The following DMD variants were observed in gnomAD, a reference collection of about 807,000 sequenced individuals.
DMD encodes the protein mutant dystrophin.
Under a neutral mutation model 330.1 loss-of-function variants are expected in DMD, and 63 were observed. The observed-to-expected ratio is 0.19, with a 90% CI of 0.16 to 0.24. DMD has a LOEUF of 0.24. Ranked by LOEUF, DMD falls within the 10% of genes least tolerant of loss-of-function variation. The probability of loss-of-function intolerance (pLI) is 1.00; values close to 1 mark genes in which losing one functional copy is unlikely to be tolerated. For synonymous variants in DMD, 1,223 were observed against 959.8 expected, an observed-to-expected ratio of 1.27 and a Z score of -5.07; for missense variants, 3,344 against 2,684.1, an observed-to-expected ratio of 1.25 and a Z score of -5.43.
chrX:31,864,162 A>G (rs2081372603), intron 48 of DMD, among the ~76,000 whole-genome samples: 1 of 111,553 alleles, frequency 9.0e-6, no homozygotes, highest in African/African-American at 3.3e-5. Context: ...TTTTATAAAT[A>G]CAATGGTCTG....
At chrX:32,354,879 C>G (rs1329905140) in intron 37 of DMD, among the ~76,000 whole-genome samples, 2 of 110,936 alleles carry the variant, frequency 1.8e-5, no homozygotes, top group African/African-American at 6.5e-5. Flanking sequence ...TACTGTCGAC[C>G]TTTTATAAAG....
intron 1 of DMD, among the ~76,000 whole-genome samples, chrX:33,227,022 G>T (rs1390649831): frequency 7.3e-5 from 8 of 109,222 alleles, no homozygotes; most frequent in African/African-American, 2.3e-4. Flanking sequence ...ACACTTAAAA[G>T]AATTATCTAA....
At position 32,454,782 on chromosome X, in the gene DMD, G is replaced by A. The variant is rs2148349398; in HGVS notation, c.3483C>T (p.Ser1161=). The A allele has an allele frequency of 5.0e-6, 6 of 1,206,637 alleles. No homozygotes were observed. The highest frequency in any genetic ancestry group is 6.7e-6 in the Non-Finnish European group (6 of 892,758). ...ALKGGLEKTV[S]LQKDLSEMHE... ...GCATCTCTGATAGATCTTTCTGGAG[G>A]CTTACAGTTTTCTCCAAACCTCCCT... The change falls in exon 26 of 79, where the codon AGC becomes AGT. Residue 1161 remains serine (S), a synonymous_variant. Coordinates refer to ENST00000357033, the MANE Select transcript of DMD (RefSeq NM_004006.3).
intron 55 of DMD, among the ~76,000 whole-genome samples, chrX:31,510,891 C>T (rs1053543806): frequency 6.3e-5 from 7 of 111,563 alleles, no homozygotes; most frequent in African/African-American, 2.3e-4. Flanking sequence ...GAAAAGGTCT[C>T]CTTTCTGCAA....
intron 21 of DMD, among the ~76,000 whole-genome samples, chrX:32,481,468 A>C (rs965001665): frequency 1.1e-4 from 12 of 111,610 alleles, no homozygotes; most frequent in African/African-American, 3.9e-4. Context: ...GGAAATGTCT[A>C]CTGCTCTTAA....
intron 55 of DMD, among the ~76,000 whole-genome samples, chrX:31,509,182 A>G (rs777489313): frequency 3.8e-4 from 42 of 111,944 alleles, no homozygotes; most frequent in Middle Eastern, 9.2e-3. Context: ...TTTATATGGT[A>G]GAAGGTTAGT....
chrX:32,736,026 G>T (rs1372970376), intron 7 of DMD, among the ~76,000 whole-genome samples: 31 of 111,391 alleles, frequency 2.8e-4, no homozygotes, highest in African/African-American at 9.5e-4. Flanking sequence ...ATCTGACAAA[G>T]GGCTAATATC....
At chrX:31,701,789 C>G (rs771910541) in intron 52 of DMD, among the ~76,000 whole-genome samples, 39 of 112,431 alleles carry the variant, frequency 3.5e-4, no homozygotes, top group African/African-American at 1.3e-3. Flanking sequence ...CACCTGATAA[C>G]TTGTTAGAAA....
intron 1 of DMD, among the ~76,000 whole-genome samples, chrX:33,197,512 A>G (rs2148816824): frequency 9.0e-6 from 1 of 111,563 alleles, no homozygotes; most frequent in African/African-American, 3.3e-5. Context: ...TGTAACAAAC[A>G]CCACAATCAA....
rs185027273 is a variant in DMD, at chrX:32,499,894, G to T, written c.2380+1861C>A. Among the ~76,000 whole-genome samples, 501 of 111,004 alleles carry T rather than the reference G, an allele frequency of 4.5e-3. 4 individuals carry two copies. Among genetic ancestry groups the T allele is most frequent in the African/African-American group, 0.016 (477 of 30,592 alleles). On this transcript the variant is annotated intron_variant, in intron 19 of 78. Transcript: ENST00000357033. ...ATAAATATTATGCAATTTGTTCCTT[G>T]AACGACAAAAACGGAACAAATAGAT...
intron 2 of DMD, among the ~76,000 whole-genome samples, chrX:32,900,713 T>A (rs1365312302): frequency 9.0e-6 from 1 of 111,089 alleles, no homozygotes; most frequent in Non-Finnish European, 1.9e-5. Context: ...TCCTTACACA[T>A]GTAAATCTTA....
At chrX:32,790,887 G>A (rs937169883) in intron 7 of DMD, among the ~76,000 whole-genome samples, 4 of 111,135 alleles carry the variant, frequency 3.6e-5, no homozygotes, top group African/African-American at 1.3e-4. Context: ...ATTGCACAAG[G>A]GACCTGGGGA....
At chrX:33,236,696 GC>G (rs1193052814) in intron 1 of DMD, among the ~76,000 whole-genome samples, 2 of 110,981 alleles carry the variant, frequency 1.8e-5, no homozygotes, top group South Asian at 3.9e-4. Flanking sequence ...GCTGGCAGAA[GC>G]TTTTTGCTTT....
intron 20 of DMD, among the ~76,000 whole-genome samples, chrX:32,489,538 G>A (rs1218006331): frequency 1.8e-5 from 2 of 111,308 alleles, no homozygotes; most frequent in African/African-American, 6.5e-5. Context: ...AGATGAAGCT[G>A]AACCCTACCA....
At chrX:32,781,149 T>C (rs1353464821) in intron 7 of DMD, among the ~76,000 whole-genome samples, 2 of 101,686 alleles carry the variant, frequency 2.0e-5, no homozygotes, top group African/African-American at 7.2e-5. Flanking sequence ...AAAAAGGCAC[T>C]CTTATGCTCT....
intron 4 of DMD, among the ~76,000 whole-genome samples, chrX:32,837,370 T>C (rs2148936202): frequency 9.0e-6 from 1 of 111,349 alleles, no homozygotes; most frequent in African/African-American, 3.3e-5. Context: ...GAGACTAAGG[T>C]ATCACTTCTC....
chrX:32,411,970 G>T, intron 29 of DMD, 57 bp from the exon 30 acceptor site: 1 of 1,192,371 alleles, frequency 8.4e-7, no homozygotes, highest in Non-Finnish European at 1.1e-6. Context: ...TAGCTTTTCT[G>T]TAATCCTGCT....
At chrX:32,739,086 T>C (rs771524005) in intron 7 of DMD, among the ~76,000 whole-genome samples, 2 of 112,211 alleles carry the variant, frequency 1.8e-5, no homozygotes, top group South Asian at 7.4e-4. Context: ...AATCAACTAA[T>C]TCATTTAATT....
chrX:32,205,005 T>TCTCTCTCACACA (rs60181300), intron 44 of DMD, among the ~76,000 whole-genome samples: 99 of 29,057 alleles, frequency 3.4e-3, no homozygotes, highest in Non-Finnish European at 5.6e-3. Context: ...TCTCTCTCTC[T>TCTCTCTCACACA]CACATACACA....
Sources: allele counts gnomAD v4.1 joint callset (sites outside exome capture counted in the v4.1 genomes callset), GRCh38; gene constraint gnomAD v4.1.1; transcripts MANE v1.5; gene names NCBI Gene and HGNC (gene_info 2026-07-23, HGNC 2026-07-21).